The following CEP290 variants were observed in gnomAD, a reference collection of about 807,000 sequenced individuals.
CEP290 encodes centrosomal protein of 290 kDa.
Under a neutral mutation model 344.9 loss-of-function variants are expected in CEP290, and 317 were observed. That is an observed-to-expected ratio of 0.92 (90% CI 0.84 to 1.01). The LOEUF (loss-of-function observed/expected upper bound fraction) is 1.01, where lower values mean the gene tolerates loss of function less well. Among genes scored for constraint, CEP290 ranks in the 50% least tolerant of loss-of-function variants. CEP290 has a pLI of 0.00. For missense variants in CEP290, 2,754 were observed against 2,761.4 expected, an observed-to-expected ratio of 1.00 and a Z score of 0.06; for synonymous variants, 932 against 895.8, an observed-to-expected ratio of 1.04 and a Z score of -0.72.
In CEP290 at chr12:88,084,846, T is replaced by A; in HGVS notation, c.4444A>T (p.Lys1482Ter). The A allele has an allele frequency of 4.5e-6, 7 of 1,546,384 alleles. No individual in the cohort carries two copies. The highest frequency in any genetic ancestry group is 6.1e-6 in the Non-Finnish European group (7 of 1,149,404). ...AACCTTAAAGCAGATTCTTTCTCTT[T>A]TAGTTTCTGCAATGATTAAATTATA... ...ATCKSLEEKL[K>*]EKESALRLAE... The change falls in exon 35 of 54, where the codon AAA (lysine) becomes TAA (stop). Residue 1482 changes from lysine (K) to a stop codon, truncating the protein, a stop_gained. Coordinates refer to ENST00000552810, the MANE Select transcript of CEP290 (RefSeq NM_025114.4). LOFTEE classifies it high-confidence loss of function.
intron 26 of CEP290, among the ~76,000 whole-genome samples, chr12:88,101,277 C>T (rs541919988): frequency 2.0e-5 from 3 of 151,824 alleles, no homozygotes; most frequent in East Asian, 3.9e-4. Flanking sequence ...TTCAGGAGAT[C>T]GACACCATCC....
At chr12:88,124,337 C>A (rs2039598570) in intron 13 of CEP290, among the ~76,000 whole-genome samples, 1 of 152,094 alleles carries the variant, frequency 6.6e-6, no homozygotes, top group Non-Finnish European at 1.5e-5. Flanking sequence ...TGCTTTACTG[C>A]CTTTGAACTT....
intron 52 of CEP290, among the ~76,000 whole-genome samples, chr12:88,050,739 A>G (rs750028762): frequency 6.6e-6 from 1 of 152,234 alleles, no homozygotes; most frequent in Admixed American, 6.5e-5. Flanking sequence ...GAAACTTGTT[A>G]GGTACTAAAA....
At chr12:88,138,352 T>C (rs1023023422) in intron 5 of CEP290, among the ~76,000 whole-genome samples, 3 of 152,208 alleles carry the variant, frequency 2.0e-5, no homozygotes, top group Admixed American at 6.5e-5. Context: ...TCCAACTCCA[T>C]AATTCATTTA....
rs753534789 is a variant in CEP290 at position 88,071,388 on chromosome 12, G to A, written c.5917C>T (p.Gln1973Ter). ...TCCAAAGCTCGTATTCCCAAAACCT[G>A]ATCAACAGTCATGCCAGTTGTTTTT... ...KLKTTGMTVD[Q>*]VLGIRALESE... The change falls in exon 43 of 54, where the codon CAG (glutamine) becomes TAG (stop). Residue 1973 changes from glutamine (Q) to a stop codon, truncating the protein, a stop_gained. Coordinates refer to ENST00000552810, the MANE Select transcript of CEP290 (RefSeq NM_025114.4). LOFTEE classifies it high-confidence loss of function. 1 of 1,611,224 alleles carries A rather than the reference G, an allele frequency of 6.2e-7. No individual in the cohort carries two copies. The highest frequency in any genetic ancestry group is 8.5e-7 in the Non-Finnish European group (1 of 1,178,452).
intron 26 of CEP290, among the ~76,000 whole-genome samples, chr12:88,100,094 A>T (rs2037756874): frequency 6.6e-6 from 1 of 152,068 alleles, no homozygotes; most frequent in African/African-American, 2.4e-5. Context: ...AGCCCGGCCA[A>T]CATGGCAAAA....
intron 52 of CEP290, among the ~76,000 whole-genome samples, chr12:88,050,674 G>A (rs1323858790): frequency 2.6e-5 from 4 of 152,144 alleles, no homozygotes; most frequent in African/African-American, 9.7e-5. Flanking sequence ...TGTAGGCCAA[G>A]TTATTTTTTC....
chr12:88,102,547 G>C (rs1475342293), intron 26 of CEP290, among the ~76,000 whole-genome samples: 1 of 152,150 alleles, frequency 6.6e-6, no homozygotes, highest in Admixed American at 6.5e-5. Flanking sequence ...CTGGTTAAAA[G>C]AGGTTTGATT....
chr12:88,113,977 T>C (rs184165583), intron 20 of CEP290, among the ~76,000 whole-genome samples: 132 of 152,194 alleles, frequency 8.7e-4, no homozygotes, highest in Admixed American at 7.5e-3. Flanking sequence ...CCAGCAAAGA[T>C]TGACTTTGCC....
In CEP290 at chr12:88,102,802, C is replaced by T. The variant is rs770926268; in HGVS notation, c.2991+36G>A. 9.6e-6 allele frequency: 15 copies of T among 1,563,382 alleles called. No homozygotes were observed. In the East Asian group the frequency reaches 2.1e-4, roughly 21 times the overall value. ...ACACAAAAATATTGAAGAAAAATGGCTAATTTCACAAGGTTCAAGAATCAC... is the reference window on the plus strand; with the variant it reads ...ACACAAAAATATTGAAGAAAAATGGTTAATTTCACAAGGTTCAAGAATCAC... On this transcript the variant is annotated intron_variant, in intron 26 of 53. Transcript: ENST00000552810.
rs1334349949 is a variant in CEP290 at position 88,071,277 on chromosome 12, T to C, written c.6011+17A>G. The stretch of plus-strand genomic sequence containing the variant: ...TTTTCATTACAATGGGTGGCACATT[T>C]CCACATAATAGCTTACCTCATATAC... On this transcript the variant is annotated intron_variant, in intron 43 of 53. Coordinates refer to ENST00000552810, the MANE Select transcript of CEP290 (RefSeq NM_025114.4). 6.3e-7 allele frequency: 1 copy of C among 1,588,390 alleles called. No individual in the cohort carries two copies. The highest frequency in any genetic ancestry group is 8.6e-7 in the Non-Finnish European group (1 of 1,162,722).
intron 10 of CEP290, among the ~76,000 whole-genome samples, 188 bp downstream of exon 10, chr12:88,129,506 A>G (rs2039939238): frequency 6.6e-6 from 1 of 151,924 alleles, no homozygotes; most frequent in Non-Finnish European, 1.5e-5. Context: ...CTAAATTGCA[A>G]AAATTAGTGT....
intron 38 of CEP290, 102 bp downstream of exon 38, chr12:88,080,080 C>A: frequency 1.3e-6 from 1 of 761,146 alleles, no homozygotes; most frequent in Non-Finnish European, 2.1e-6. Context: ...TATTACAACA[C>A]GGAGATTTAT....
At chr12:88,114,303 G>A (rs1029876568) in intron 20 of CEP290, 117 bp downstream of exon 20, 38 of 782,700 alleles carry the variant, frequency 4.9e-5, no homozygotes, top group Non-Finnish European at 1.9e-5. Context: ...TACATACAGG[G>A]AAACAATGAT....
rs117852025 is a variant in CEP290 at position 88,060,951 on chromosome 12, A to G, written c.6401T>C (p.Ile2134Thr). 7.3e-3 allele frequency: 11,417 copies of G among 1,562,170 alleles called. 106 individuals carry two copies. Among genetic ancestry groups the G allele is most frequent in the South Asian group, 0.016 (1,350 of 83,682 alleles). Residue 2134 changes from isoleucine to threonine, a missense_variant, in exon 47 of 54, where the codon ATT (isoleucine) becomes ACT (threonine). Physicochemically the swap from Ile to Thr is moderately conservative, Grantham distance 89. Transcript: ENST00000552810. Reference sequence around the variant, plus strand: ...TTCAACTACTTTTTTCATTAAACCAATGGTTTTTTCCAGTTCTGGGATTGT... The same window carrying G: ...TTCAACTACTTTTTTCATTAAACCAGTGGTTTTTTCCAGTTCTGGGATTGT... ...GKTIPELEKT[I>T]GLMKKVVEKV...
At chr12:88,105,117 G>C (rs943804936) in intron 25 of CEP290, among the ~76,000 whole-genome samples, 3 of 152,160 alleles carry the variant, frequency 2.0e-5, no homozygotes, top group African/African-American at 7.2e-5. Context: ...GCTCTTTAAA[G>C]AAATGGTTTA....
intron 43 of CEP290, among the ~76,000 whole-genome samples, chr12:88,070,179 G>A (rs1165671796): frequency 1.3e-5 from 2 of 152,170 alleles, no homozygotes; most frequent in Admixed American, 1.3e-4. Context: ...AGGTACAATG[G>A]AGTAAATACA....
chr12:88,132,674 A>G (rs1435855250), intron 6 of CEP290, among the ~76,000 whole-genome samples: 2 of 152,292 alleles, frequency 1.3e-5, no homozygotes, highest in Non-Finnish European at 2.9e-5. Context: ...AAGTTGGCAC[A>G]ACATTAAGAA....
At chr12:88,130,829 T>C (rs911518827) in intron 7 of CEP290, among the ~76,000 whole-genome samples, 1 of 152,020 alleles carries the variant, frequency 6.6e-6, no homozygotes, top group Non-Finnish European at 1.5e-5. Flanking sequence ...ATTTATAAGA[T>C]TCCACAAGTA....
Sources: gnomAD v4.1 joint callset for allele counts (sites outside exome capture counted in the v4.1 genomes callset) on GRCh38, gnomAD v4.1.1 for gene constraint, MANE v1.5 for transcripts, NCBI Gene and HGNC (gene_info 2026-07-23, HGNC 2026-07-21) for gene names.